Variants in LRPPRC observed in about 807,000 individuals in gnomAD.
LRPPRC encodes the protein leucine rich pentatricopeptide repeat containing.
In LRPPRC, 120 loss-of-function variants were observed where a neutral mutation model predicts 180.3. The ratio of observed to expected loss-of-function variants is 0.67; its 90% CI spans 0.57 to 0.77. The LOEUF (loss-of-function observed/expected upper bound fraction) is 0.77, where lower values mean the gene tolerates loss of function less well. Ranked by LOEUF, LRPPRC falls within the 30% of genes least tolerant of loss-of-function variation. The pLI is 0.00. For missense variants in LRPPRC, 2,012 were observed against 1,657.2 expected, an observed-to-expected ratio of 1.21 and a Z score of -3.72; for synonymous variants, 723 against 600.0, an observed-to-expected ratio of 1.21 and a Z score of -3.00.
At chr2:43,990,163 G>A (rs1674709614) in intron 1 of LRPPRC, among the ~76,000 whole-genome samples, 2 of 152,078 alleles carry the variant, frequency 1.3e-5, no homozygotes, top group African/African-American at 4.8e-5. Flanking sequence ...AGGTTGCAGT[G>A]AGCCGAGATG....
At chr2:43,953,969 A>C (rs946360067) in intron 14 of LRPPRC, among the ~76,000 whole-genome samples, 10 of 152,324 alleles carry the variant, frequency 6.6e-5, no homozygotes, top group African/African-American at 1.2e-4. Flanking sequence ...CAGGAATTTA[A>C]CACCACCCTG....
At chr2:43,994,479 A>C (rs1674930548) in intron 1 of LRPPRC, among the ~76,000 whole-genome samples, 1 of 152,190 alleles carries the variant, frequency 6.6e-6, no homozygotes, top group South Asian at 2.1e-4. Flanking sequence ...AATATTCCTA[A>C]CACTACTACT....
In LRPPRC at chr2:43,920,597, A is replaced by G. The variant is rs976260763; in HGVS notation, c.2897-2199T>C. Among the ~76,000 whole-genome samples the G allele has an allele frequency of 2.0e-5, 3 of 152,144 alleles. No individual in the cohort carries two copies. The South Asian group carries it at 6.2e-4, about 32-fold the overall frequency. On this transcript the variant is annotated intron_variant, in intron 27 of 37. Coordinates refer to ENST00000260665, the MANE Select transcript of LRPPRC (RefSeq NM_133259.4). ...TTTCAAAACAAGACTCTCATTAACTAATTACGCTTTTTCTTCATTAAAATG... is the reference window on the plus strand; with the variant it reads ...TTTCAAAACAAGACTCTCATTAACTGATTACGCTTTTTCTTCATTAAAATG...
intron 30 of LRPPRC, among the ~76,000 whole-genome samples, chr2:43,907,514 A>T (rs1185494823): frequency 3.9e-5 from 6 of 152,194 alleles, no homozygotes; most frequent in African/African-American, 1.4e-4. Context: ...TGGGAATATC[A>T]TCCAATCATC....
At chr2:43,913,994 T>C (rs1033699060) in intron 29 of LRPPRC, among the ~76,000 whole-genome samples, 2 of 152,242 alleles carry the variant, frequency 1.3e-5, no homozygotes, top group African/African-American at 2.4e-5. Flanking sequence ...TATTTACTTA[T>C]TAAAGTCACA....
intron 20 of LRPPRC, 30 bp downstream of exon 20, chr2:43,947,224 TTAA>T (rs1672717576): frequency 4.6e-6 from 5 of 1,097,766 alleles, no homozygotes; most frequent in Non-Finnish European, 5.4e-6. Flanking sequence ...ATTTTTTGCC[TTAA>T]TAATATTTAA....
intron 1 of LRPPRC, among the ~76,000 whole-genome samples, chr2:43,992,159 G>A (rs761094264): frequency 6.6e-6 from 1 of 152,192 alleles, no homozygotes; most frequent in Non-Finnish European, 1.5e-5. Flanking sequence ...TCAAATGGGA[G>A]AGGCAGTCAA....
At chr2:43,923,979 T>G (rs1318619579) in intron 27 of LRPPRC, among the ~76,000 whole-genome samples, 1 of 152,148 alleles carries the variant, frequency 6.6e-6, no homozygotes, top group South Asian at 2.1e-4. Flanking sequence ...GTGCAAGAAT[T>G]TGATCATCGT....
At chr2:43,966,326 C>T (rs1316894733) in intron 11 of LRPPRC, among the ~76,000 whole-genome samples, 3 of 151,416 alleles carry the variant, frequency 2.0e-5, no homozygotes, top group African/African-American at 7.3e-5. Context: ...TATAAATTTT[C>T]AGTTATACGG....
chr2:43,898,090 A>G (rs1458585216), intron 34 of LRPPRC, among the ~76,000 whole-genome samples: 2 of 150,422 alleles, frequency 1.3e-5, no homozygotes, highest in African/African-American at 4.9e-5. Flanking sequence ...AAAAAAAAAC[A>G]AAGGAAAAAA....
chr2:43,963,372 A>G (rs1673427994), intron 12 of LRPPRC: 3 of 610,756 alleles, frequency 4.9e-6, no homozygotes, highest in Non-Finnish European at 8.7e-6. Context: ...TGAACCCAGG[A>G]GGCAAAGGTT....
chr2:43,910,085 A>G (rs1027967753), intron 30 of LRPPRC, among the ~76,000 whole-genome samples: 3 of 152,162 alleles, frequency 2.0e-5, no homozygotes, highest in Non-Finnish European at 4.4e-5. Flanking sequence ...CATTGAAACA[A>G]TGTTGGTTCT....
intron 14 of LRPPRC, among the ~76,000 whole-genome samples, chr2:43,953,100 C>A (rs2103633662): frequency 6.6e-6 from 1 of 152,316 alleles, no homozygotes; most frequent in East Asian, 1.9e-4. Context: ...GCCTGAAAAA[C>A]CCTTCCCTTC....
rs1409749036 is a variant in LRPPRC at position 43,901,343 on chromosome 2, G to A, written c.3546C>T (p.Asn1182=). 6.2e-7 allele frequency: 1 copy of A among 1,613,686 alleles called. No individual in the cohort carries two copies. Among genetic ancestry groups the A allele is most frequent in the Non-Finnish European group, 8.5e-7 (1 of 1,179,680 alleles). Reference sequence around the variant, plus strand: ...ACTTCTTTATTTGAGCCAAAGCAATGTTATTGATGAAAACCATTTTTGAAA... The same window carrying A: ...ACTTCTTTATTTGAGCCAAAGCAATATTATTGATGAAAACCATTTTTGAAA... ...IGLSKMVFIN[N]IALAQIKNNN... is the part of the protein sequence containing the mutation. The change falls in exon 32 of 38, where the codon AAC becomes AAT. Residue 1182 remains asparagine, a synonymous_variant. Coordinates refer to ENST00000260665, the MANE Select transcript of LRPPRC (RefSeq NM_133259.4).
chr2:43,918,755 T>C (rs1490589528), intron 27 of LRPPRC, among the ~76,000 whole-genome samples: 4 of 148,170 alleles, frequency 2.7e-5, no homozygotes, highest in Admixed American at 1.4e-4. Context: ...CTATGACCTT[T>C]AGCGTTGCAA....
chr2:43,915,228 TCTCTCACACACA>T (rs1329610110), intron 29 of LRPPRC, among the ~76,000 whole-genome samples: 1,161 of 62,972 alleles, frequency 0.018, 10 homozygotes, highest in East Asian at 0.075. Flanking sequence ...TCTCTCTCTC[TCTCTCACACACA>T]CACACACACA....
intron 27 of LRPPRC, among the ~76,000 whole-genome samples, chr2:43,923,149 C>A (rs1671755658): frequency 7.2e-6 from 1 of 137,950 alleles, no homozygotes. Context: ...TAAGATGAAG[C>A]TAAATGTTGT....
Position 43,925,874 on chromosome 2 carries a change from A to C in LRPPRC, c.2805+19T>G. The C allele has an allele frequency of 6.3e-7, 1 of 1,575,516 alleles. No individual in the cohort carries two copies. Among genetic ancestry groups the C allele is most frequent in the Admixed American group, 1.7e-5 (1 of 59,958 alleles). ...ACTCACACTTTTAGGTGATTGAGAC[A>C]TCTGAATCAAATACAAACCTGATTA... On this transcript the variant is annotated intron_variant, in intron 26 of 37. Coordinates refer to ENST00000260665, the MANE Select transcript of LRPPRC (RefSeq NM_133259.4).
chr2:43,958,244 T>C (rs922728024), intron 13 of LRPPRC, among the ~76,000 whole-genome samples: 21 of 152,194 alleles, frequency 1.4e-4, no homozygotes, highest in African/African-American at 4.6e-4. Flanking sequence ...GACCATGTTA[T>C]AAGTAATAGA....
Sources: gnomAD v4.1 joint callset for allele counts (sites outside exome capture counted in the v4.1 genomes callset) on GRCh38, gnomAD v4.1.1 for gene constraint, MANE v1.5 for transcripts, NCBI Gene and HGNC (gene_info 2026-07-23, HGNC 2026-07-21) for gene names.